Variants in LIPJ observed in about 807,000 individuals in gnomAD.
LIPJ encodes lipase member J.
LIPJ carries 33 observed loss-of-function variants against 39.8 expected under a neutral mutation model. That is an observed-to-expected ratio of 0.83 (90% confidence interval 0.63 to 1.11). The LOEUF (loss-of-function observed/expected upper bound fraction) is 1.11, where lower values mean the gene tolerates loss of function less well. LIPJ is among the 50% of genes least tolerant of loss of function. The pLI, the probability that LIPJ is intolerant of heterozygous loss-of-function variation, is 0.00. For synonymous variants in LIPJ, 128 were observed against 139.2 expected (o/e 0.92, Z 0.57); for missense variants, 422 against 427.9 (o/e 0.99, Z 0.12).
upstream of LIPJ, among the ~76,000 whole-genome samples, chr10:88,586,530 A>T (rs1850924770): frequency 6.6e-6 from 1 of 152,170 alleles, no homozygotes; most frequent in Non-Finnish European, 1.5e-5. Context: ...GTCTTCTCTA[A>T]CCACTTGACC....
At position 88,590,173 on chromosome 10, in the gene LIPJ, G is replaced by A. The variant is rs539847544; in HGVS notation, c.-103-412G>A. 5.9e-5 allele frequency among the ~76,000 whole-genome samples: 9 copies of A among 151,524 alleles called. No individual in the cohort carries two copies. In the East Asian group the frequency reaches 9.7e-4, roughly 16 times the overall value. ...GTTATCCAAGCTTCCAAATCTCCCCGTTCTTTCCCCTCCCCGCTAAAAAAA... is the reference window on the plus strand; with the variant it reads ...GTTATCCAAGCTTCCAAATCTCCCCATTCTTTCCCCTCCCCGCTAAAAAAA... On this transcript the variant is annotated intron_variant, in intron 2 of 10. Coordinates refer to ENST00000371939, the Ensembl canonical transcript of LIPJ.
chr10:88,613,800 A>ATATATATATATATATATATGTG, the LIPJ span, among the ~76,000 whole-genome samples: 4 of 74,160 alleles, frequency 5.4e-5, no homozygotes, highest in East Asian at 1.7e-3. Context: ...ATATATATAT[A>ATATATATATATATATATATGTG]TGTGTGTGTG....
chr10:88,584,962 C>T (rs1850858638), upstream of LIPJ, among the ~76,000 whole-genome samples: 1 of 152,092 alleles, frequency 6.6e-6, no homozygotes, highest in Admixed American at 6.5e-5. Flanking sequence ...AAAAATATGC[C>T]ATTTAAAGCA....
At chr10:88,588,833 C>CTT (rs1241965256) in intron 2 of LIPJ, among the ~76,000 whole-genome samples, 1 of 151,856 alleles carries the variant, frequency 6.6e-6, no homozygotes, top group African/African-American at 2.4e-5. Flanking sequence ...CTTTAGTGAA[C>CTT]TTTTTCACTA....
At chr10:88,616,795 C>G in the LIPJ span, among the ~76,000 whole-genome samples, 1 of 152,204 alleles carries the variant, frequency 6.6e-6, no homozygotes, top group Admixed American at 6.5e-5. Context: ...TGGGGCTTTG[C>G]CAGAAGCCAC....
chr10:88,616,058 A>G, the LIPJ span, among the ~76,000 whole-genome samples: 2 of 152,224 alleles, frequency 1.3e-5, no homozygotes, highest in Non-Finnish European at 2.9e-5. Flanking sequence ...CAAAAAAGAA[A>G]CAAAAACAAG....
chr10:88,587,022 T>A (rs1163975581), intron 1 of LIPJ, 177 bp downstream of exon 1: 1 of 152,184 alleles, frequency 6.6e-6, no homozygotes, highest in Non-Finnish European at 1.5e-5. Flanking sequence ...TTACAATAAC[T>A]GCCAGACAGA....
chr10:88,583,025 C>T, upstream of LIPJ: 12 of 1,591,626 alleles, frequency 7.5e-6, no homozygotes, highest in Non-Finnish European at 1.0e-5. Flanking sequence ...CCTCAGCAGC[C>T]TGCCCGGCAG....
At chr10:88,608,090 C>T (rs1278776616), downstream of LIPJ, among the ~76,000 whole-genome samples, 3 of 152,162 alleles carry the variant, frequency 2.0e-5, no homozygotes, top group East Asian at 3.8e-4. Flanking sequence ...AACTAGTTAA[C>T]CATAGCCTAA....
chr10:88,583,270 C>A (rs1315343475), upstream of LIPJ: 2 of 1,572,828 alleles, frequency 1.3e-6, no homozygotes, highest in South Asian at 1.2e-5. Context: ...GCGGCCGAAC[C>A]GGCGCTAGCG....
At chr10:88,588,528 A>C (rs987091054) in intron 2 of LIPJ, among the ~76,000 whole-genome samples, 3 of 151,918 alleles carry the variant, frequency 2.0e-5, no homozygotes, top group Non-Finnish European at 4.4e-5. Flanking sequence ...GTCTAGTAGC[A>C]GTTTATTAAG....
intron 8 of LIPJ, among the ~76,000 whole-genome samples, chr10:88,599,279 G>C (rs1851382187): frequency 6.6e-6 from 1 of 151,700 alleles, no homozygotes; most frequent in Non-Finnish European, 1.5e-5. Flanking sequence ...TGGTGATAAT[G>C]CTTAAGATCT....
At chr10:88,591,563 G>T (rs1442109424) in intron 4 of LIPJ, 65 bp downstream of exon 4, 4 of 1,399,964 alleles carry the variant, frequency 2.9e-6, no homozygotes, top group Non-Finnish European at 3.9e-6. Context: ...TGCTCCAATT[G>T]ACGGAGAACA....
chr10:88,594,161 G>C lies in LIPJ; in HGVS notation c.329+17G>C. On this transcript the variant is annotated intron_variant, in intron 5 of 10. Transcript: ENST00000371939. ...GGCTTTCAGGTACAAATAAAATGAA[G>C]TAACATTTCATTTTATAAGTGTATA... 1 of 1,573,870 alleles carries C rather than the reference G, an allele frequency of 6.4e-7. No homozygotes were observed. The highest frequency in any genetic ancestry group is 8.7e-7 in the Non-Finnish European group (1 of 1,150,732).
At chr10:88,618,174 T>C in the LIPJ span, 1 of 152,144 alleles carries the variant, frequency 6.6e-6, no homozygotes, top group African/African-American at 2.4e-5. Flanking sequence ...AAAGCAGTCA[T>C]TGTCTATTAA....
chr10:88,599,645 G>T (rs1851397425), intron 8 of LIPJ, among the ~76,000 whole-genome samples: 1 of 150,774 alleles, frequency 6.6e-6, no homozygotes, highest in Admixed American at 6.6e-5. Context: ...CAGTGTGTAT[G>T]TATGTATATA....
Position 88,601,295 on chromosome 10 carries a change from C to A in LIPJ, c.724-1281C>A, listed in dbSNP as rs1444649757. On this transcript the variant is annotated intron_variant, in intron 8 of 10. Transcript: ENST00000371939. Reference sequence around the variant, plus strand: ...ACCTCGCAAAGATCCCACCTAACACCACCACAATGGCAACCAACAGGAATT... The same window carrying A: ...ACCTCGCAAAGATCCCACCTAACACAACCACAATGGCAACCAACAGGAATT... 2.6e-5 allele frequency among the ~76,000 whole-genome samples: 4 copies of A among 152,102 alleles called. No individual in the cohort carries two copies. The East Asian group carries it at 7.7e-4, about 29-fold the overall frequency.
exon 11 of LIPJ, chr10:88,606,727 G>T (rs1176344104): frequency 6.2e-7 from 1 of 1,613,400 alleles, no homozygotes; most frequent in African/African-American, 1.3e-5. Flanking sequence ...CTGCAATTTG[G>T]AATGGTAAAA....
chr10:88,608,150 C>G (rs1010852007), downstream of LIPJ, among the ~76,000 whole-genome samples: 1 of 152,194 alleles, frequency 6.6e-6, no homozygotes, highest in Admixed American at 6.5e-5. Flanking sequence ...AGATCATACT[C>G]AACTCCTGCC....
Sources: gnomAD v4.1 joint callset for allele counts (sites outside exome capture counted in the v4.1 genomes callset) on GRCh38, gnomAD v4.1.1 for gene constraint, MANE v1.5 for transcripts, NCBI Gene and HGNC (gene_info 2026-07-23, HGNC 2026-07-21) for gene names.